Variants in AKR1C4 observed in about 807,000 individuals in gnomAD.
AKR1C4 encodes the protein aldo-keto reductase family 1 member C4.
In AKR1C4, 44 loss-of-function variants were observed where a neutral mutation model predicts 41.0. The observed-to-expected ratio is 1.07, with a 90% CI of 0.84 to 1.38. The LOEUF (loss-of-function observed/expected upper bound fraction) is 1.38, where lower values mean the gene tolerates loss of function less well. Ranked by LOEUF, AKR1C4 falls within the 40% of genes most tolerant of loss-of-function variation. The pLI is 0.00. For missense variants in AKR1C4, 438 were observed against 387.9 expected (o/e 1.13, Z -1.09); for synonymous variants, 165 against 137.7 (o/e 1.20, Z -1.39).
intron 5 of AKR1C4, among the ~76,000 whole-genome samples, chr10:5,208,152 C>T (rs914145728): frequency 6.6e-6 from 1 of 151,564 alleles, no homozygotes; most frequent in Admixed American, 6.6e-5. Flanking sequence ...GAACATTGAG[C>T]TGACCTTTTG....
chr10:5,202,554 G>A, intron 2 of AKR1C4: 2 of 430,610 alleles, frequency 4.6e-6, no homozygotes, highest in East Asian at 7.1e-5. Context: ...TAATAGAAGT[G>A]GTAAAAATTG....
At chr10:5,217,335 C>T (rs1391875753) in intron 8 of AKR1C4, among the ~76,000 whole-genome samples, 6 of 152,186 alleles carry the variant, frequency 3.9e-5, no homozygotes, top group African/African-American at 1.4e-4. Context: ...GACATTTGCT[C>T]ATGACCCAAA....
At chr10:5,207,579 G>A (rs906787214) in intron 5 of AKR1C4, 3 of 900,808 alleles carry the variant, frequency 3.3e-6, no homozygotes, top group Non-Finnish European at 5.0e-6. Flanking sequence ...TGAAGAACTT[G>A]TCTCTCTCAG....
chr10:5,197,060 G>A (rs769478053), intron 1 of AKR1C4, 109 bp downstream of exon 1: 8 of 1,076,138 alleles, frequency 7.4e-6, no homozygotes, highest in Admixed American at 3.4e-5. Context: ...AGTGACTCAC[G>A]TGGTCTGTCT....
intron 1 of AKR1C4, among the ~76,000 whole-genome samples, 162 bp from the exon 2 acceptor site, chr10:5,200,019 C>T (rs576583396): frequency 6.6e-6 from 1 of 152,338 alleles, no homozygotes; most frequent in East Asian, 1.9e-4. Context: ...AGTCCCACAA[C>T]CTGCCCCCAT....
chr10:5,206,659 G>A (rs890208043), intron 5 of AKR1C4, among the ~76,000 whole-genome samples: 7 of 152,156 alleles, frequency 4.6e-5, no homozygotes, highest in Non-Finnish European at 1.0e-4. Context: ...GGACTGAAAT[G>A]GTTAATCAGA....
intron 3 of AKR1C4, among the ~76,000 whole-genome samples, chr10:5,205,501 C>T (rs1287493931): frequency 5.3e-5 from 8 of 152,054 alleles, no homozygotes; most frequent in Non-Finnish European, 1.2e-4. Context: ...ACAAAAGTAA[C>T]AGAAGTCGAC....
At chr10:5,217,333 C>T (rs1832670608) in intron 8 of AKR1C4, among the ~76,000 whole-genome samples, 1 of 152,286 alleles carries the variant, frequency 6.6e-6, no homozygotes, top group South Asian at 2.1e-4. Context: ...TAGACATTTG[C>T]TCATGACCCA....
intron 7 of AKR1C4, among the ~76,000 whole-genome samples, chr10:5,216,086 G>A (rs958959137): frequency 3.3e-5 from 5 of 152,160 alleles, no homozygotes; most frequent in Admixed American, 6.5e-5. Context: ...TTTTGGTGAG[G>A]GCTCAGGAAG....
At chr10:5,204,775 A>G in intron 3 of AKR1C4, 1 of 461,984 alleles carries the variant, frequency 2.2e-6, no homozygotes, top group East Asian at 4.8e-5. Context: ...TCCTGAGTCC[A>G]TCTCTTAGGA....
intron 5 of AKR1C4, among the ~76,000 whole-genome samples, chr10:5,212,086 CAT>C (rs1832583915): frequency 6.6e-6 from 1 of 152,184 alleles, no homozygotes; most frequent in Non-Finnish European, 1.5e-5. Context: ...ACAGCCAAAA[CAT>C]ATGAATCACC....
At chr10:5,205,185 A>T (rs142829746) in intron 3 of AKR1C4, among the ~76,000 whole-genome samples, 74 of 152,328 alleles carry the variant, frequency 4.9e-4, no homozygotes, top group African/African-American at 1.6e-3. Context: ...GAACTCCAAG[A>T]AGTTTTCTGG....
At position 5,205,811 on chromosome 10, in the gene AKR1C4, G is replaced by A. The variant is rs371021560; in HGVS notation, c.424G>A (p.Val142Met). ...AAATGGAAAAGTAATATTCGACACA[G>A]TGGATCTCTCTGCCACATGGGAGGT... ...DENGKVIFDT[V>M]DLSATWEVME... Residue 142 changes from valine (V) to methionine (M), a missense_variant, in exon 4 of 9, where the codon GTG becomes ATG. By Grantham distance (21) the Val-to-Met change is conservative. Transcript: ENST00000263126. 4.3e-6 allele frequency: 7 copies of A among 1,613,384 alleles called. No homozygotes were observed. In the African/African-American group the frequency reaches 5.3e-5, roughly 12 times the overall value.
intron 5 of AKR1C4, among the ~76,000 whole-genome samples, chr10:5,209,960 T>C (rs1312664908): frequency 1.3e-5 from 2 of 152,120 alleles, no homozygotes; most frequent in East Asian, 3.9e-4. Context: ...ATTTCAGCAT[T>C]AGATCAAAAG....
chr10:5,199,529 G>T (rs1396557005), intron 1 of AKR1C4, among the ~76,000 whole-genome samples: 2 of 152,046 alleles, frequency 1.3e-5, no homozygotes, highest in African/African-American at 4.8e-5. Flanking sequence ...GACAGAACCG[G>T]GTGGACTTTG....
intron 2 of AKR1C4, chr10:5,202,424 A>T (rs1554796999): frequency 2.2e-6 from 1 of 451,242 alleles, no homozygotes; most frequent in African/African-American, 2.0e-5. Flanking sequence ...GGGGTTTTGT[A>T]GGTATATGAT....
intron 5 of AKR1C4, among the ~76,000 whole-genome samples, chr10:5,209,405 A>T (rs913141734): frequency 6.6e-6 from 1 of 152,188 alleles, no homozygotes; most frequent in African/African-American, 2.4e-5. Flanking sequence ...GTTTTATTAT[A>T]AAAAAATTTT....
chr10:5,196,874 C>G lies in AKR1C4; in HGVS notation c.7C>G (p.Pro3Ala), dbSNP rs1554796361. Reference sequence around the variant, plus strand: ...GTGAAAGAAGTGGCAAGCAATGGATCCCAAATATCAGCGTGTAGAGCTAAA... The same window carrying G: ...GTGAAAGAAGTGGCAAGCAATGGATGCCAAATATCAGCGTGTAGAGCTAAA... MDPKYQRVELNDG... is the reference protein window; with the variant it reads MDAKYQRVELNDG... Residue 3 changes from proline (P) to alanine (A), a missense_variant, in exon 1 of 9, where the codon CCC becomes GCC. By Grantham distance (27) the Pro-to-Ala change is conservative. Transcript: ENST00000263126. 6.2e-7 allele frequency: 1 copy of G among 1,614,100 alleles called. No individual in the cohort carries two copies. Among genetic ancestry groups the G allele is most frequent in the African/African-American group, 1.3e-5 (1 of 75,050 alleles).
chr10:5,202,375 T>C lies in AKR1C4; in HGVS notation c.253-2002T>C, dbSNP rs539957821. 383 of 395,494 alleles carry C rather than the reference T, an allele frequency of 9.7e-4. 1 individual carries two copies. The highest frequency in any genetic ancestry group is 4.7e-3 in the Admixed American group (171 of 36,004). The allele number at this position is 395,494 out of a possible 1,614,324, so 24.5% of individuals were successfully genotyped here. A position where few individuals can be genotyped will look rare whatever the true frequency, so the allele number is the denominator to read the frequency against. ...CGGATTTTGTAACCTGAGACTTTAC[T>C]GAATTTGTTTGTCGGAGGAGCTTTT... is the stretch of plus-strand genomic sequence containing the variant. On this transcript the variant is annotated intron_variant, in intron 2 of 8. Transcript: ENST00000263126.
Sources: allele counts gnomAD v4.1 joint callset (sites outside exome capture counted in the v4.1 genomes callset), GRCh38; gene constraint gnomAD v4.1.1; transcripts MANE v1.5; gene names NCBI Gene and HGNC (gene_info 2026-07-23, HGNC 2026-07-21).